NLGN1: variants seen among roughly 807,000 people sequenced by gnomAD.
NLGN1 encodes the protein neuroligin 1, also known as neuroligin-1.
A neutral mutation model predicts 65.5 loss-of-function variants in NLGN1; 12 were observed. The ratio of observed to expected loss-of-function variants is 0.18; its 90% CI spans 0.12 to 0.30. NLGN1 has a LOEUF of 0.30. NLGN1 is among the 10% of genes least tolerant of loss of function. The probability of loss-of-function intolerance (pLI) is 1.00; values close to 1 mark genes in which losing one functional copy is unlikely to be tolerated. For synonymous variants in NLGN1, 350 were observed against 359.5 expected (o/e 0.97, Z 0.30); for missense variants, 750 against 1,007.1 (o/e 0.74, Z 3.46).
downstream of NLGN1, among the ~76,000 whole-genome samples, chr3:174,286,872 AAG>A (rs557974485): frequency 4.0e-5 from 6 of 151,610 alleles, no homozygotes; most frequent in South Asian, 2.1e-4. Context: ...CTTTTCAGAA[AAG>A]AGAGAGGAAA....
intron 3 of NLGN1, among the ~76,000 whole-genome samples, chr3:173,785,429 A>G (rs1781798387): frequency 6.6e-6 from 1 of 152,192 alleles, no homozygotes; most frequent in Non-Finnish European, 1.5e-5. Flanking sequence ...GTTTTATCTA[A>G]AAATGATTTT....
At chr3:174,073,378 A>G (rs1423606824) in intron 4 of NLGN1, among the ~76,000 whole-genome samples, 1 of 152,152 alleles carries the variant, frequency 6.6e-6, no homozygotes, top group African/African-American at 2.4e-5. Flanking sequence ...AAAATTTCAG[A>G]ATTTTGGCGG....
chr3:173,839,388 A>G (rs1253678514), intron 4 of NLGN1, among the ~76,000 whole-genome samples: 2 of 151,792 alleles, frequency 1.3e-5, no homozygotes, highest in Non-Finnish European at 2.9e-5. Context: ...GAACATCCTC[A>G]GAGAAGTTTT....
chr3:173,993,492 G>A (rs1721566846), intron 4 of NLGN1, among the ~76,000 whole-genome samples: 1 of 152,154 alleles, frequency 6.6e-6, no homozygotes, highest in Non-Finnish European at 1.5e-5. Context: ...TAGTGGTTAG[G>A]TCAGATGTTA....
At chr3:173,817,308 T>C (rs1466565165) in intron 4 of NLGN1, among the ~76,000 whole-genome samples, 1 of 152,200 alleles carries the variant, frequency 6.6e-6, no homozygotes, top group Non-Finnish European at 1.5e-5. Flanking sequence ...GAAACAGTTA[T>C]AAGACACTGA....
intron 3 of NLGN1, among the ~76,000 whole-genome samples, chr3:173,747,493 C>A (rs1775647408): frequency 6.7e-6 from 1 of 149,908 alleles, no homozygotes; most frequent in Admixed American, 6.7e-5. Context: ...GTGAATCCAT[C>A]TTTCTTAGGA....
chr3:173,461,847 T>G (rs751850028), intron 2 of NLGN1, among the ~76,000 whole-genome samples: 2 of 152,180 alleles, frequency 1.3e-5, no homozygotes, highest in African/African-American at 2.4e-5. Flanking sequence ...GTTAAATGTC[T>G]TACTACTTAG....
At chr3:174,167,056 C>T (rs1727630873) in intron 4 of NLGN1, among the ~76,000 whole-genome samples, 1 of 151,974 alleles carries the variant, frequency 6.6e-6, no homozygotes. Flanking sequence ...CAACCCTTTA[C>T]ATTGAGTCCA....
At chr3:174,086,984 G>A (rs1423095233) in intron 4 of NLGN1, among the ~76,000 whole-genome samples, 1 of 152,100 alleles carries the variant, frequency 6.6e-6, no homozygotes, top group Non-Finnish European at 1.5e-5. Context: ...AAAACGTGGA[G>A]CTGGAGGCCA....
intron 4 of NLGN1, among the ~76,000 whole-genome samples, chr3:174,000,221 C>A (rs1479143576): frequency 6.6e-6 from 1 of 151,976 alleles, no homozygotes; most frequent in African/African-American, 2.4e-5. Flanking sequence ...TAGTGTAAAA[C>A]CTTAAAGAAA....
intron 3 of NLGN1, among the ~76,000 whole-genome samples, chr3:173,753,457 A>G (rs548141767): frequency 6.6e-6 from 1 of 152,240 alleles, no homozygotes; most frequent in African/African-American, 2.4e-5. Flanking sequence ...CATACACCAT[A>G]TCTAATTTGC....
At chr3:173,418,604 A>G (rs1195381662) in intron 1 of NLGN1, among the ~76,000 whole-genome samples, 1 of 152,216 alleles carries the variant, frequency 6.6e-6, no homozygotes, top group Non-Finnish European at 1.5e-5. Context: ...ATATAAAACT[A>G]TAAAAATATG....
chr3:174,071,461 C>T (rs1739849603), intron 4 of NLGN1, among the ~76,000 whole-genome samples: 1 of 152,092 alleles, frequency 6.6e-6, no homozygotes, highest in Admixed American at 6.6e-5. Flanking sequence ...GTGGGTGGAT[C>T]ACTTGAGTCC....
chr3:174,158,569 G>A (rs1372082941), intron 4 of NLGN1, among the ~76,000 whole-genome samples: 1 of 151,640 alleles, frequency 6.6e-6, no homozygotes, highest in African/African-American at 2.4e-5. Context: ...TGTTATAAAT[G>A]CAGAATCTCA....
At chr3:174,251,706 G>A (rs1211045928) in intron 4 of NLGN1, among the ~76,000 whole-genome samples, 2 of 152,120 alleles carry the variant, frequency 1.3e-5, no homozygotes, top group Non-Finnish European at 2.9e-5. Context: ...TGCAAATTAA[G>A]CTACTATAAT....
chr3:174,242,450 T>C (rs970695308), intron 4 of NLGN1, among the ~76,000 whole-genome samples: 1 of 152,104 alleles, frequency 6.6e-6, no homozygotes, highest in Admixed American at 6.5e-5. Flanking sequence ...GGCAAGCAAA[T>C]GAAGCTTCAA....
intron 4 of NLGN1, among the ~76,000 whole-genome samples, chr3:174,082,052 C>T (rs1742347633): frequency 6.6e-6 from 1 of 152,142 alleles, no homozygotes; most frequent in Admixed American, 6.5e-5. Context: ...TGTACAATGG[C>T]TGCAGTGTAA....
rs551749083 is a variant in NLGN1, at chr3:173,937,215, G to A, written c.646+129383G>A. On this transcript the variant is annotated intron_variant, in intron 4 of 6. Coordinates refer to ENST00000457714, the Ensembl canonical transcript of NLGN1. ...TAAGAATATGAGCTATTAATTATGC[G>A]TACATAAACTTCAGCTAATGAACTC... Among the ~76,000 whole-genome samples the A allele has an allele frequency of 5.9e-5, 9 of 152,060 alleles. No homozygotes were observed. The South Asian group carries it at 6.2e-4, about 11-fold the overall frequency.
At chr3:173,812,545 T>C (rs1718162782) in intron 4 of NLGN1, among the ~76,000 whole-genome samples, 1 of 151,674 alleles carries the variant, frequency 6.6e-6, no homozygotes, top group Non-Finnish European at 1.5e-5. Context: ...CTGGGCAAAA[T>C]GGTGAGATTG....
Sources: gnomAD v4.1 joint callset for allele counts (sites outside exome capture counted in the v4.1 genomes callset) on GRCh38, gnomAD v4.1.1 for gene constraint, MANE v1.5 for transcripts, NCBI Gene and HGNC (gene_info 2026-07-23, HGNC 2026-07-21) for gene names.